AARS2: variants seen among roughly 807,000 people sequenced by gnomAD.
The protein encoded by AARS2 is alanine--tRNA ligase, mitochondrial.
AARS2 carries 78 observed loss-of-function variants against 119.7 expected under a neutral mutation model. That is an observed-to-expected ratio of 0.65 (90% CI 0.54 to 0.79). The LOEUF (loss-of-function observed/expected upper bound fraction) is 0.79, where lower values mean the gene tolerates loss of function less well. Among genes scored for constraint, AARS2 ranks in the 30% least tolerant of loss-of-function variants. The pLI is 0.00. For missense variants in AARS2, 1,157 were observed against 1,291.3 expected (o/e 0.90, Z 1.59); for synonymous variants, 502 against 526.3 (o/e 0.95, Z 0.63).
rs544076799 is a variant in AARS2, at chr6:44,304,706, A to G, written c.1691T>C (p.Phe564Ser). Residue 564 changes from phenylalanine (F) to serine (S), a missense_variant, in exon 12 of 22, where the codon TTC becomes TCC. Coordinates refer to ENST00000244571, the MANE Select transcript of AARS2 (RefSeq NM_020745.4). ...RCGLLLDRTN[F>S]YAEQGGQASD... ...AGCCTGGCCCCCCTGTTCTGCGTAG[A>G]AGTTGGTCCTGTCCAAGAGGAGGCC... 6.2e-7 allele frequency: 1 copy of G among 1,614,216 alleles called. No individual in the cohort carries two copies. The highest frequency in any genetic ancestry group is 2.2e-5 in the East Asian group (1 of 44,888).
rs774077726 is a variant in AARS2 at position 44,311,370 on chromosome 6, TAAG to T, written c.581+17_581+19del. 2.5e-6 allele frequency: 4 copies of T among 1,613,948 alleles called. No homozygotes were observed. Among genetic ancestry groups the T allele is most frequent in the East Asian group, 4.5e-5 (2 of 44,880 alleles). ...TCCTCCTGACCTCCAGGAATGAACA[TAAG>T]AAGGGGGCTGACTTACCCTAAGCTC... On this transcript the variant is annotated intron_variant, in intron 3 of 21. Transcript: ENST00000244571.
In AARS2 at chr6:44,305,657, G is replaced by C. The variant is rs1489674918; in HGVS notation, c.1430C>G (p.Ala477Gly). 6.2e-7 allele frequency: 1 copy of C among 1,613,970 alleles called. No homozygotes were observed. The highest frequency in any genetic ancestry group is 2.2e-5 in the East Asian group (1 of 44,870). ...AGLERLAQEE[A>G]QHRARQAEPV... ...ATGGGGTGCCACAGCTTGTACCTGG[G>C]CCTCCTCTTGGGCCAACCGCTCCAG... is the stretch of plus-strand genomic sequence containing the variant. Residue 477 changes from alanine (A) to glycine (G), a missense_variant, in exon 10 of 22, where the codon GCC becomes GGC. Ala to Gly is a moderately conservative substitution (Grantham distance 60, BLOSUM62 0). Coordinates refer to ENST00000244571, the MANE Select transcript of AARS2 (RefSeq NM_020745.4). The surrounding 1 kb of genome is among the most constrained non-coding windows in gnomAD (Gnocchi z 4.6).
At position 44,305,094 on chromosome 6, in the gene AARS2, G is replaced by A. The variant is rs921155897; in HGVS notation, c.1539C>T (p.Ser513=). 11 of 1,614,020 alleles carry A rather than the reference G, an allele frequency of 6.8e-6. No individual in the cohort carries two copies. The highest frequency in any genetic ancestry group is 2.2e-5 in the East Asian group (1 of 44,896). Residue 513 remains serine, a synonymous_variant, in exon 11 of 22, where the codon AGC becomes AGT. Coordinates refer to ENST00000244571, the MANE Select transcript of AARS2 (RefSeq NM_020745.4). This position sits in a 1 kb window ranked among gnomAD's most constrained non-coding sequence, Gnocchi z 4.6. ...GTCGCAGGGAGTAGTTGTACTTGGG[G>A]CTGTCGTCAGTTGGGGGCACTCCTT... is the stretch of plus-strand genomic sequence containing the variant. The part of the protein sequence containing the change: ...QRQGVPPTDD[S]PKYNYSLRPS...
intron 5 of AARS2, among the ~76,000 whole-genome samples, chr6:44,309,235 C>T (rs2153356404): frequency 6.6e-6 from 1 of 152,348 alleles, no homozygotes; most frequent in South Asian, 2.1e-4. Context: ...TAGGTGATGA[C>T]AGACACATGG....
At chr6:44,301,694 CAGGCCCCTACAAAT>C (rs1785370805) in intron 19 of AARS2, among the ~76,000 whole-genome samples, 1 of 152,182 alleles carries the variant, frequency 6.6e-6, no homozygotes, top group Admixed American at 6.5e-5. Context: ...ATCATAGCTT[CAGGCCCCTACAAAT>C]AGGTCGCTGA....
intron 14 of AARS2, among the ~76,000 whole-genome samples, chr6:44,303,805 T>C (rs1487000827): frequency 6.6e-6 from 1 of 152,056 alleles, no homozygotes; most frequent in Non-Finnish European, 1.5e-5. Context: ...GGAGAAAGGA[T>C]TTAAGCCAGA....
At chr6:44,301,730 G>C (rs1027181456) in intron 19 of AARS2, among the ~76,000 whole-genome samples, 1 of 152,220 alleles carries the variant, frequency 6.6e-6, no homozygotes, top group Non-Finnish European at 1.5e-5. Context: ...GGTGAAAGGA[G>C]GAAGGTCAGA....
At position 44,299,344 on chromosome 6, in the gene AARS2, C is replaced by T. The variant is rs1785176822; in HGVS notation, c.*1203G>A. 6.6e-6 allele frequency among the ~76,000 whole-genome samples: 1 copy of T among 152,000 alleles called. No homozygotes were observed. Among genetic ancestry groups the T allele is most frequent in the Non-Finnish European group, 1.5e-5 (1 of 68,006 alleles). Reference sequence around the variant, plus strand: ...CTCACTGCGGCCTTGAATTCCTGGGCAAAGTGATTTTCCCACCTCAGCCTC... The same window carrying T: ...CTCACTGCGGCCTTGAATTCCTGGGTAAAGTGATTTTCCCACCTCAGCCTC... On this transcript the variant is annotated 3_prime_UTR_variant, in exon 22 of 22. Coordinates refer to ENST00000244571, the MANE Select transcript of AARS2 (RefSeq NM_020745.4).
chr6:44,299,560 T>G lies in AARS2; in HGVS notation c.*987A>C, dbSNP rs1785192605. The G allele has an allele frequency of 1.3e-5, 2 of 152,054 alleles. No individual in the cohort carries two copies. Among genetic ancestry groups the G allele is most frequent in the Non-Finnish European group, 2.9e-5 (2 of 68,026 alleles). 9.4% of individuals were successfully genotyped at this position (152,054 alleles called of 1,614,324 possible). ...GATTATAGGCATGAGCCACCAAGCC[T>G]GACCCTCTTCTTTTGCTTTATTTCC... is the stretch of plus-strand genomic sequence containing the variant. On this transcript the variant is annotated 3_prime_UTR_variant, in exon 22 of 22. Transcript: ENST00000244571.
rs766771165 is a variant in AARS2 at position 44,307,280 on chromosome 6, C to CA, written c.1008dup (p.Asp337Ter). On this transcript the variant is annotated frameshift_variant, in exon 6 of 22. Coordinates refer to ENST00000244571, the MANE Select transcript of AARS2 (RefSeq NM_020745.4). LOFTEE classifies it high-confidence loss of function. The surrounding 1 kb of genome is among the most constrained non-coding windows in gnomAD (Gnocchi z 4.4). ...CCTGACATCCCAGGGAAGATGCCAT[C>CA]AGAGATGCAGACACTGAGTGTGCGG... 57 of 1,613,876 alleles carry CA rather than the reference C, an allele frequency of 3.5e-5. No homozygotes were observed. The highest frequency in any genetic ancestry group is 4.7e-5 in the Non-Finnish European group (55 of 1,179,946).
In AARS2 at chr6:44,302,696, T is replaced by C; in HGVS notation, c.2364+106A>G. The C allele has an allele frequency of 2.7e-6, 4 of 1,457,154 alleles. No homozygotes were observed. The Admixed American group carries it at 5.8e-5, about 21-fold the overall frequency. The allele number at this position is 1,457,154 out of a possible 1,614,324, so 90.3% of individuals were successfully genotyped here. A position where few individuals can be genotyped will look rare whatever the true frequency, so the allele number is the denominator to read the frequency against. On this transcript the variant is annotated intron_variant, in intron 17 of 21. Coordinates refer to ENST00000244571, the MANE Select transcript of AARS2 (RefSeq NM_020745.4). Reference sequence around the variant, plus strand: ...ATATGGCCACATTGGTGTCCAAGTATGAACACTGGCTCTGCTGCTGGGCAC... The same window carrying C: ...ATATGGCCACATTGGTGTCCAAGTACGAACACTGGCTCTGCTGCTGGGCAC...
At position 44,307,219 on chromosome 6, in the gene AARS2, CT is replaced by C. The variant is rs756236849; in HGVS notation, c.1040+29del. On this transcript the variant is annotated intron_variant, in intron 6 of 21. Coordinates refer to ENST00000244571, the MANE Select transcript of AARS2 (RefSeq NM_020745.4). This position sits in a 1 kb window ranked among gnomAD's most constrained non-coding sequence, Gnocchi z 4.4. ...CTCCACCTGAGACCCCCAGCAGCCC[CT>C]GTCCTCTCTGTAGCCCTTCCAGACT... 6.2e-7 allele frequency: 1 copy of C among 1,613,568 alleles called. No individual in the cohort carries two copies. Among genetic ancestry groups the C allele is most frequent in the Non-Finnish European group, 8.5e-7 (1 of 1,179,680 alleles).
intron 19 of AARS2, among the ~76,000 whole-genome samples, chr6:44,301,806 A>G (rs1785381161): frequency 6.6e-6 from 1 of 152,194 alleles, no homozygotes; most frequent in Non-Finnish European, 1.5e-5. Context: ...TCAGGGCTGA[A>G]TGGCACTAAT....
chr6:44,308,582 T>C lies in AARS2; in HGVS notation c.895-1188A>G, dbSNP rs62402439. Among the ~76,000 whole-genome samples the C allele has an allele frequency of 6.1e-3, 920 of 151,890 alleles. 4 individuals carry two copies. The highest frequency in any genetic ancestry group is 0.011 in the Non-Finnish European group (736 of 67,930). On this transcript the variant is annotated intron_variant, in intron 5 of 21. Transcript: ENST00000244571. ...AGGGTTCTCAGTGGGGAGTGTGGCATGATCTGATGTACACTTTTATTTATT... is the reference window on the plus strand; with the variant it reads ...AGGGTTCTCAGTGGGGAGTGTGGCACGATCTGATGTACACTTTTATTTATT...
chr6:44,306,562 G>A (rs1583055915), intron 7 of AARS2, 30 bp from the exon 8 acceptor site: 5 of 1,613,990 alleles, frequency 3.1e-6, no homozygotes, highest in African/African-American at 1.3e-5. Flanking sequence ...CTGAGGAGGT[G>A]TGAAAGGCAA....
At position 44,313,343 on chromosome 6, in the gene AARS2, T is replaced by A; in HGVS notation, c.-20A>T. On this transcript the variant is annotated 5_prime_UTR_variant, in exon 1 of 22. In the 5' UTR this introduces an upstream ATG that the reference lacks. Transcript: ENST00000244571. Reference sequence around the variant, plus strand: ...TGCCATCGTAGCTCCGGGCAGTGACTTTACGTGGTCAAAGAGTGACGAGGG... The same window carrying A: ...TGCCATCGTAGCTCCGGGCAGTGACATTACGTGGTCAAAGAGTGACGAGGG... The A allele has an allele frequency of 6.3e-7, 1 of 1,597,192 alleles. No homozygotes were observed. The highest frequency in any genetic ancestry group is 8.5e-7 in the Non-Finnish European group (1 of 1,178,664).
intron 14 of AARS2, among the ~76,000 whole-genome samples, chr6:44,303,712 A>G (rs1785569447): frequency 6.6e-6 from 1 of 152,240 alleles, no homozygotes; most frequent in Non-Finnish European, 1.5e-5. Flanking sequence ...GGGTAGCCCA[A>G]TGGAAGAGAG....
At chr6:44,312,320 G>A (rs558309195) in intron 1 of AARS2, 57 bp from the exon 2 acceptor site, 71 of 1,549,740 alleles carry the variant, frequency 4.6e-5, no homozygotes, top group Non-Finnish European at 5.8e-5. Context: ...CAGTAGAAGG[G>A]AAATGTGGGG....
intron 5 of AARS2, among the ~76,000 whole-genome samples, chr6:44,308,845 G>GC (rs1014214033): frequency 2.0e-5 from 3 of 151,850 alleles, no homozygotes; most frequent in Non-Finnish European, 2.9e-5. Context: ...CAAGCGATCC[G>GC]CCCCCCTCTG....
Sources: gnomAD v4.1 joint callset for allele counts (sites outside exome capture counted in the v4.1 genomes callset) on GRCh38, gnomAD v4.1.1 for gene constraint, Gnocchi (gnomAD v3.1) non-coding constraint, MANE v1.5 for transcripts, NCBI Gene and HGNC (gene_info 2026-07-23, HGNC 2026-07-21) for gene names.